The following GALNT2 variants were observed in gnomAD, a reference collection of about 807,000 sequenced individuals.
GALNT2 encodes the protein polypeptide N-acetylgalactosaminyltransferase 2.
In GALNT2, 31 loss-of-function variants were observed where a neutral mutation model predicts 81.4. That is an observed-to-expected ratio of 0.38 (90% CI 0.29 to 0.51). The LOEUF is 0.51. Among genes scored for constraint, GALNT2 ranks in the 20% least tolerant of loss-of-function variants. The probability of loss-of-function intolerance (pLI) is 0.87; values close to 1 mark genes in which losing one functional copy is unlikely to be tolerated. For synonymous variants in GALNT2, 303 were observed against 287.4 expected (o/e 1.05, Z -0.55); for missense variants, 629 against 765.7 (o/e 0.82, Z 2.11).
Position 230,199,483 on chromosome 1 carries a change from T to C in GALNT2, c.221-3654T>C, listed in dbSNP as rs1193932483. On this transcript the variant is annotated intron_variant, in intron 2 of 15. Transcript: ENST00000366672. ...AGGTGGTGAAGCCAGTTTCGAGAGA[T>C]ACCTAAAACAAAAATAGAATAGATC... Among the ~76,000 whole-genome samples the C allele has an allele frequency of 2.6e-5, 4 of 152,214 alleles. No homozygotes were observed. The East Asian group carries it at 5.8e-4, about 22-fold the overall frequency.
chr1:230,263,320 C>G (rs973682412), intron 13 of GALNT2: 20 of 335,428 alleles, frequency 6.0e-5, no homozygotes, highest in Non-Finnish European at 1.0e-4. Flanking sequence ...GGACTGGTGT[C>G]TGACAGGCTC....
At chr1:230,221,958 C>T (rs964121976) in intron 3 of GALNT2, among the ~76,000 whole-genome samples, 1 of 151,496 alleles carries the variant, frequency 6.6e-6, no homozygotes, top group Non-Finnish European at 1.5e-5. Flanking sequence ...TCTGGTTTCT[C>T]CTCCTTACTT....
intron 1 of GALNT2, among the ~76,000 whole-genome samples, chr1:230,104,125 T>C (rs1290620835): frequency 6.6e-6 from 1 of 152,132 alleles, no homozygotes; most frequent in Non-Finnish European, 1.5e-5. Flanking sequence ...AAGCTTCTCT[T>C]ATGGTTCTCT....
rs1666156218 is a variant in GALNT2, at chr1:230,271,318, G to GA, written c.1441-3121dup. Among the ~76,000 whole-genome samples the GA allele has an allele frequency of 6.6e-6, 1 of 152,174 alleles. No individual in the cohort carries two copies. The highest frequency in any genetic ancestry group is 6.5e-5 in the Admixed American group (1 of 15,280). On this transcript the variant is annotated intron_variant, in intron 14 of 15. Transcript: ENST00000366672. This position sits in a 1 kb window ranked among gnomAD's most constrained non-coding sequence, Gnocchi z 4.2. ...CCATACTCTGTGACCCAGTGAATAG[G>GA]AAAAAAGCTGCTTTTCCTCCTTTAT...
intron 2 of GALNT2, among the ~76,000 whole-genome samples, chr1:230,183,716 G>A (rs532584490): frequency 6.6e-6 from 1 of 152,204 alleles, no homozygotes; most frequent in South Asian, 2.1e-4. Flanking sequence ...AGTGGCTCAT[G>A]CCTGTAATCC....
chr1:230,183,973 A>G (rs1429837016), intron 2 of GALNT2, among the ~76,000 whole-genome samples: 1 of 151,516 alleles, frequency 6.6e-6, no homozygotes, highest in Non-Finnish European at 1.5e-5. Context: ...CAAGACTACA[A>G]CTCAAAAAAA....
At chr1:230,244,609 A>AT (rs1665308627) in intron 7 of GALNT2, among the ~76,000 whole-genome samples, 1 of 152,166 alleles carries the variant, frequency 6.6e-6, no homozygotes, top group African/African-American at 2.4e-5. Context: ...CAGTGGTCAG[A>AT]TTGTCAGAAC....
intron 15 of GALNT2, among the ~76,000 whole-genome samples, chr1:230,278,509 T>A (rs546055867): frequency 5.8e-4 from 89 of 152,216 alleles, no homozygotes; most frequent in Non-Finnish European, 1.1e-3. Flanking sequence ...TCTGGCTTAG[T>A]TGGTGGGTAA....
rs528510016 is a variant in GALNT2, at chr1:230,278,113, T to C, written c.1561-1190T>C. Among the ~76,000 whole-genome samples the C allele has an allele frequency of 3.8e-3, 456 of 120,866 alleles. 1 individual carries two copies. The highest frequency in any genetic ancestry group is 0.013 in the African/African-American group (437 of 33,536). The allele number at this position is 120,866 out of a possible 152,430, so 79.3% of individuals were successfully genotyped here. A position where few individuals can be genotyped will look rare whatever the true frequency, so the allele number is the denominator to read the frequency against. ...AGGGGGATTTTTCTGTTTTTCTTTCTTTTTTTTTTTTTTTTTAAGAGACAG... is the reference window on the plus strand; with the variant it reads ...AGGGGGATTTTTCTGTTTTTCTTTCCTTTTTTTTTTTTTTTTAAGAGACAG... On this transcript the variant is annotated intron_variant, in intron 15 of 15. Coordinates refer to ENST00000366672, the MANE Select transcript of GALNT2 (RefSeq NM_004481.5).
At chr1:230,108,815 A>T (rs1247050613) in intron 1 of GALNT2, among the ~76,000 whole-genome samples, 1 of 151,322 alleles carries the variant, frequency 6.6e-6, no homozygotes, top group African/African-American at 2.4e-5. Context: ...TGAATCACTG[A>T]CATTGCCCGG....
At chr1:230,263,106 A>C in intron 13 of GALNT2, 101 bp downstream of exon 13, 2 of 951,026 alleles carry the variant, frequency 2.1e-6, no homozygotes, top group Non-Finnish European at 3.3e-6. Context: ...TGCAGGCATG[A>C]GATTGGGCAC....
chr1:230,229,970 G>C (rs570043137), intron 3 of GALNT2, among the ~76,000 whole-genome samples: 2 of 152,290 alleles, frequency 1.3e-5, no homozygotes, highest in South Asian at 4.2e-4. Context: ...ATTATTCCCT[G>C]TCATCCTGTC....
chr1:230,133,269 A>T (rs1323584969), intron 1 of GALNT2, among the ~76,000 whole-genome samples: 1 of 152,160 alleles, frequency 6.6e-6, no homozygotes, highest in African/African-American at 2.4e-5. Flanking sequence ...CGGGTCAGAG[A>T]GTTTGAACAT....
chr1:230,276,599 C>T (rs1425858103), intron 15 of GALNT2, among the ~76,000 whole-genome samples: 1 of 152,208 alleles, frequency 6.6e-6, no homozygotes, highest in Non-Finnish European at 1.5e-5. Context: ...GCAGAGGGCC[C>T]TCTTTCACCT....
chr1:230,148,403 C>T (rs1253975954), intron 1 of GALNT2, among the ~76,000 whole-genome samples: 1 of 152,212 alleles, frequency 6.6e-6, no homozygotes, highest in African/African-American at 2.4e-5. Context: ...CTGCAAGTCA[C>T]AGGTAACCTG....
Position 230,282,102 on chromosome 1 carries a change from A to G in GALNT2, c.*2644A>G, listed in dbSNP as rs1439094738. 2.0e-5 allele frequency: 3 copies of G among 152,066 alleles called. No individual in the cohort carries two copies. The highest frequency in any genetic ancestry group is 1.5e-5 in the Non-Finnish European group (1 of 68,004). The allele number at this position is 152,066 out of a possible 1,614,324, so 9.4% of individuals were successfully genotyped here. On this transcript the variant is annotated 3_prime_UTR_variant, in exon 16 of 16. Transcript: ENST00000366672. ...TCCTTGAAAATTGTTTAACTTAAATAAAGAGAAGATACTTTCTAGATACCG... is the reference window on the plus strand; with the variant it reads ...TCCTTGAAAATTGTTTAACTTAAATGAAGAGAAGATACTTTCTAGATACCG...
intron 1 of GALNT2, among the ~76,000 whole-genome samples, chr1:230,093,117 G>A (rs1660144317): frequency 6.6e-6 from 1 of 152,208 alleles, no homozygotes; most frequent in Non-Finnish European, 1.5e-5. Flanking sequence ...CTAAGCCAAG[G>A]GGAGCTCCTT....
intron 3 of GALNT2, among the ~76,000 whole-genome samples, chr1:230,219,810 A>G (rs1467219386): frequency 2.0e-5 from 3 of 152,116 alleles, no homozygotes; most frequent in East Asian, 1.9e-4. Context: ...TTAAAACACA[A>G]TTTGCCTAGA....
At chr1:230,276,357 A>G (rs1247408276) in intron 15 of GALNT2, among the ~76,000 whole-genome samples, 3 of 152,066 alleles carry the variant, frequency 2.0e-5, no homozygotes, top group Non-Finnish European at 4.4e-5. Context: ...GTATGCCCAT[A>G]CTTGGAGTGC....
Sources: allele counts gnomAD v4.1 joint callset (sites outside exome capture counted in the v4.1 genomes callset), GRCh38; gene constraint gnomAD v4.1.1; non-coding constraint Gnocchi (gnomAD v3.1); transcripts MANE v1.5; gene names NCBI Gene and HGNC (gene_info 2026-07-23, HGNC 2026-07-21).